Variants in PCDH19 observed in about 807,000 individuals in gnomAD.
PCDH19 encodes protocadherin 19, also known as protocadherin-19.
PCDH19 carries 6 observed loss-of-function variants against 46.2 expected under a neutral mutation model. That is an observed-to-expected ratio of 0.13 (90% CI 0.07 to 0.26). The LOEUF is 0.26. PCDH19 is among the 10% of genes least tolerant of loss of function. The pLI is 1.00. For synonymous variants in PCDH19, 481 were observed against 415.7 expected, an observed-to-expected ratio of 1.16 and a Z score of -1.91; for missense variants, 740 against 972.3, an observed-to-expected ratio of 0.76 and a Z score of 3.18.
At chrX:100,325,125 C>CTAGATAGATAGA (rs58882829) in intron 5 of PCDH19, among the ~76,000 whole-genome samples, 1 of 91,441 alleles carries the variant, frequency 1.1e-5, no homozygotes, top group African/African-American at 4.0e-5. Context: ...AGAAAAAATA[C>CTAGATAGATAGA]TAGATAGATA....
chrX:100,393,263 C>T (rs1032324393), intron 3 of PCDH19, among the ~76,000 whole-genome samples: 8 of 109,728 alleles, frequency 7.3e-5, no homozygotes, highest in African/African-American at 2.7e-4. Context: ...TGTAACTAAG[C>T]TTATGAGCAT....
chrX:100,329,636 G>A (rs184755712), intron 5 of PCDH19, among the ~76,000 whole-genome samples: 6 of 111,886 alleles, frequency 5.4e-5, no homozygotes, highest in African/African-American at 9.7e-5. Context: ...TTGGCCGGGC[G>A]CGGTGGCTCA....
intron 3 of PCDH19, among the ~76,000 whole-genome samples, chrX:100,384,512 A>C (rs1049731580): frequency 2.7e-5 from 3 of 111,106 alleles, no homozygotes; most frequent in Non-Finnish European, 5.7e-5. Context: ...ATATAAACCA[A>C]TAAGATATAT....
In PCDH19 at chrX:100,408,005, C is replaced by T. The variant is rs772837341; in HGVS notation, c.593G>A (p.Arg198His). Residue 198 changes from arginine (R) to histidine (H), a missense_variant, in exon 1 of 6, where the codon CGC becomes CAC. By Grantham distance (29) the Arg-to-His change is conservative (BLOSUM62 0). Around this residue, in one of 5 missense-constraint regions of PCDH19, gnomAD observed 48 missense variants for 43.2 expected, o/e 1.11. Coordinates refer to ENST00000373034, the MANE Select transcript of PCDH19 (RefSeq NM_001184880.2). ...AELVVEKSLD[R>H]ETQSHYSFRI... is the part of the protein sequence containing the mutation. ...GAAGCTGTAGTGCGACTGCGTCTCG[C>T]GGTCCAGGCTCTTTTCCACCACGAG... 15 of 1,207,967 alleles carry T rather than the reference C, an allele frequency of 1.2e-5. No homozygotes were observed. Among genetic ancestry groups the T allele is most frequent in the Non-Finnish European group, 1.7e-5 (15 of 895,504 alleles).
intron 2 of PCDH19, 37 bp from the exon 3 acceptor site, chrX:100,402,888 C>T: frequency 9.4e-7 from 1 of 1,064,223 alleles, no homozygotes; most frequent in Non-Finnish European, 1.3e-6. Context: ...TCACTAACAC[C>T]CTCCCAAATC....
chrX:100,343,288 T>C (rs1351958713), intron 4 of PCDH19, among the ~76,000 whole-genome samples: 1 of 111,476 alleles, frequency 9.0e-6, no homozygotes, highest in East Asian at 2.8e-4. Context: ...CATAAGCCCA[T>C]ACCTTACAAT....
intron 3 of PCDH19, 85 bp downstream of exon 3, chrX:100,402,439 G>T: frequency 1.2e-6 from 1 of 821,629 alleles, no homozygotes; most frequent in Non-Finnish European, 1.8e-6. Context: ...CAGGGGATGT[G>T]CCAGCACAGC....
Position 100,385,159 on chromosome X carries a change from CAA to C in PCDH19, c.2616+17363_2616+17364del, listed in dbSNP as rs1186942086. Among the ~76,000 whole-genome samples the C allele has an allele frequency of 1.2e-3, 45 of 38,444 alleles. No individual in the cohort carries two copies. In the East Asian group the frequency reaches 0.018, roughly 15 times the overall value. 33.4% of individuals were successfully genotyped at this position (38,444 alleles called of 115,157 possible). A position where few individuals can be genotyped will look rare whatever the true frequency, so the allele number is the denominator to read the frequency against. On this transcript the variant is annotated intron_variant, in intron 3 of 5. Transcript: ENST00000373034. ...GGGCGACAGAGTGAGACTCTGTCTC[CAA>C]AAAAAAAAAAAAAAAAAATTATACT... is the stretch of plus-strand genomic sequence containing the variant.
chrX:100,372,223 A>G (rs1231779414), intron 3 of PCDH19, among the ~76,000 whole-genome samples: 1 of 111,703 alleles, frequency 9.0e-6, no homozygotes, highest in Non-Finnish European at 1.9e-5. Flanking sequence ...GTGACAGAGC[A>G]AGACTCCACC....
chrX:100,307,578 T>C (rs977291151), intron 5 of PCDH19, among the ~76,000 whole-genome samples: 2 of 111,440 alleles, frequency 1.8e-5, no homozygotes, highest in African/African-American at 6.5e-5. Context: ...ATAAAGGGCA[T>C]CTAAATTGGT....
chrX:100,404,612 CT>C (rs11419892), intron 1 of PCDH19, among the ~76,000 whole-genome samples: 16,512 of 98,495 alleles, frequency 0.17, 1,304 homozygotes, highest in Admixed American at 0.29. Context: ...GAGATTTACT[CT>C]TTTTTTTTTT....
At chrX:100,312,655 G>A (rs1925167534) in intron 5 of PCDH19, among the ~76,000 whole-genome samples, 1 of 111,502 alleles carries the variant, frequency 9.0e-6, no homozygotes, top group African/African-American at 3.3e-5. Flanking sequence ...CCCTATGCTT[G>A]TCCCAGTGCT....
At position 100,341,152 on chromosome X, in the gene PCDH19, A is replaced by G. The variant is rs571606683; in HGVS notation, c.2848+751T>C. 4.4e-5 allele frequency among the ~76,000 whole-genome samples: 5 copies of G among 112,429 alleles called. No homozygotes were observed. In the South Asian group the frequency reaches 1.5e-3, roughly 34 times the overall value. On this transcript the variant is annotated intron_variant, in intron 5 of 5. Transcript: ENST00000373034. The stretch of plus-strand genomic sequence containing the variant: ...TTTTATACCCTGGCTTCTGCCTAGC[A>G]AAGTTTTAAATAGTGCCTCTCGATA...
At position 100,408,520 on chromosome X, in the gene PCDH19, C is replaced by T. The variant is rs1442904859; in HGVS notation, c.78G>A (p.Lys26=). Residue 26 remains lysine, a synonymous_variant, in exon 1 of 6, where the codon AAG becomes AAA. Transcript: ENST00000373034. ...WTQAAALINL[K]YSVEEEQRAG... ...CGCGCTGCTCCTCTTCTACCGAGTA[C>T]TTGAGATTAATGAGGGCGGCAGCCT... The T allele has an allele frequency of 1.7e-6, 2 of 1,201,266 alleles. No homozygotes were observed. The highest frequency in any genetic ancestry group is 3.0e-5 in the East Asian group (1 of 33,543).
In PCDH19 at chrX:100,408,067, C is replaced by T. The variant is rs192122222; in HGVS notation, c.531G>A (p.Glu177=). 663 of 1,208,819 alleles carry T rather than the reference C, an allele frequency of 5.5e-4. 7 individuals are homozygous for T. In the East Asian group the frequency reaches 0.016, roughly 30 times the overall value. The change falls in exon 1 of 6, where the codon GAG becomes GAA. Residue 177 remains glutamate, a synonymous_variant. Coordinates refer to ENST00000373034, the MANE Select transcript of PCDH19 (RefSeq NM_001184880.2). ...GGGAGCCGTCGCCGCGCGTCTTGAT[C>T]TCCAGGCCGAACAGCTCGTTGGGCG... ...ELTPNELFGL[E]IKTRGDGSRF...
At chrX:100,338,762 T>C (rs1429564861) in intron 5 of PCDH19, among the ~76,000 whole-genome samples, 2 of 110,976 alleles carry the variant, frequency 1.8e-5, no homozygotes, top group African/African-American at 6.6e-5. Context: ...CATAGAAATT[T>C]TGGCAGTGTG....
At position 100,322,856 on chromosome X, in the gene PCDH19, TATA is replaced by T. The variant is rs1248574387; in HGVS notation, c.2848+19044_2848+19046del. Among the ~76,000 whole-genome samples, 48 of 61,664 alleles carry T rather than the reference TATA, an allele frequency of 7.8e-4. 5 individuals carry two copies. The highest frequency in any genetic ancestry group is 2.9e-3 in the African/African-American group (41 of 14,215). The allele number at this position is 61,664 out of a possible 115,157, so 53.5% of individuals were successfully genotyped here. A position where few individuals can be genotyped will look rare whatever the true frequency, so the allele number is the denominator to read the frequency against. On this transcript the variant is annotated intron_variant, in intron 5 of 5. Transcript: ENST00000373034. ...AAGTATATATATATATATATATATATATATATATATTTTTGCAGCTATTGTAAA... is the reference window on the plus strand; with the variant it reads ...AAGTATATATATATATATATATATATTATATATTTTTGCAGCTATTGTAAA...
intron 5 of PCDH19, among the ~76,000 whole-genome samples, chrX:100,334,718 ACT>A (rs1218264127): frequency 9.4e-6 from 1 of 106,362 alleles, no homozygotes; most frequent in Non-Finnish European, 1.9e-5. Flanking sequence ...CTTTTTAGAG[ACT>A]CTCTGCAGGA....
intron 3 of PCDH19, among the ~76,000 whole-genome samples, chrX:100,375,034 G>A (rs1292152793): frequency 8.9e-6 from 1 of 112,565 alleles, no homozygotes; most frequent in Non-Finnish European, 1.9e-5. Context: ...ATTACACATA[G>A]CAGGAGCTCC....
Sources: gnomAD v4.1 joint callset for allele counts (sites outside exome capture counted in the v4.1 genomes callset) on GRCh38, gnomAD v4.1.1 for gene constraint, gnomAD v4.1.1 regional missense constraint, MANE v1.5 for transcripts, NCBI Gene and HGNC (gene_info 2026-07-23, HGNC 2026-07-21) for gene names.